Variants in ATG4C observed in about 807,000 individuals in gnomAD.
ATG4C encodes cysteine protease ATG4C.
Under a neutral mutation model 57.6 loss-of-function variants are expected in ATG4C, and 56 were observed. That is an observed-to-expected ratio of 0.97 (90% CI 0.78 to 1.21). The LOEUF (loss-of-function observed/expected upper bound fraction) is 1.21. Ranked by LOEUF, ATG4C falls within the 50% of genes most tolerant of loss-of-function variation. The pLI is 0.00. For synonymous variants in ATG4C, 157 were observed against 174.1 expected, an observed-to-expected ratio of 0.90 and a Z score of 0.78; for missense variants, 595 against 529.8, an observed-to-expected ratio of 1.12 and a Z score of -1.21.
At position 62,805,177 on chromosome 1, in the gene ATG4C, G is replaced by A; in HGVS notation, c.82G>A (p.Val28Met). The A allele has an allele frequency of 1.3e-6, 2 of 1,518,288 alleles. No homozygotes were observed. The highest frequency in any genetic ancestry group is 5.2e-5 in the East Asian group (2 of 38,754). The allele number at this position is 1,518,288 out of a possible 1,614,324, so 94.1% of individuals were successfully genotyped here. Residue 28 changes from valine (V) to methionine (M), a missense_variant, in exon 3 of 11, where the codon GTG becomes ATG. Transcript: ENST00000317868. ...CTTTTTTTTTTTTTTGCTAGGTTGGGTGTTGAAAACAAAGACGTATTTTAG... is the reference window on the plus strand; with the variant it reads ...CTTTTTTTTTTTTTTGCTAGGTTGGATGTTGAAAACAAAGACGTATTTTAG... ...SAWNNMKYSW[V>M]LKTKTYFSRN...
At chr1:62,803,084 T>C (rs1664736074) in intron 1 of ATG4C, among the ~76,000 whole-genome samples, 1 of 152,198 alleles carries the variant, frequency 6.6e-6, no homozygotes, top group Non-Finnish European at 1.5e-5. Flanking sequence ...CTAAAGTCAG[T>C]AATAAAACAG....
intron 10 of ATG4C, among the ~76,000 whole-genome samples, chr1:62,848,671 G>C (rs1666400382): frequency 1.3e-5 from 2 of 152,242 alleles, no homozygotes; most frequent in South Asian, 4.1e-4. Flanking sequence ...TTCTTGCTTA[G>C]AAATAAAGAC....
intron 6 of ATG4C, among the ~76,000 whole-genome samples, chr1:62,823,878 C>T (rs898025132): frequency 2.6e-5 from 4 of 152,108 alleles, no homozygotes; most frequent in African/African-American, 9.7e-5. Flanking sequence ...AAAGGTTATA[C>T]CTTTGGCAGT....
At chr1:62,840,037 A>C (rs937519889) in intron 9 of ATG4C, among the ~76,000 whole-genome samples, 1 of 152,226 alleles carries the variant, frequency 6.6e-6, no homozygotes, top group African/African-American at 2.4e-5. Flanking sequence ...AACATAACAA[A>C]TATGACAACT....
intron 5 of ATG4C, among the ~76,000 whole-genome samples, chr1:62,820,720 A>G (rs1390767210): frequency 6.6e-6 from 1 of 152,046 alleles, no homozygotes; most frequent in African/African-American, 2.4e-5. Flanking sequence ...GCTGTTGTTT[A>G]AAGAACGAAC....
chr1:62,788,858 GTTTTTCTTTTTTTTTCT>G (rs1294460167), intron 1 of ATG4C, among the ~76,000 whole-genome samples: 2 of 151,072 alleles, frequency 1.3e-5, no homozygotes, highest in Non-Finnish European at 3.0e-5. Context: ...AGAGTTGTGG[GTTTTTCTTTTTTTTTCT>G]TTTTTCTTTT....
In ATG4C at chr1:62,829,159, T is replaced by C. The variant is rs1449679626; in HGVS notation, c.916T>C (p.Tyr306His). ...TGGTGGAGAAAGAACCAACACCGAC[T>C]ACTTAGAATTTGTGAAGGTATGAAA... ...RLGGERTNTD[Y>H]LEFVKGILSL... The change falls in exon 7 of 11, where the codon TAC becomes CAC. Residue 306 changes from tyrosine (Y) to histidine (H), a missense_variant. Coordinates refer to ENST00000317868, the MANE Select transcript of ATG4C (RefSeq NM_032852.4). 1 of 1,612,794 alleles carries C rather than the reference T, an allele frequency of 6.2e-7. No homozygotes were observed. Among genetic ancestry groups the C allele is most frequent in the Non-Finnish European group, 8.5e-7 (1 of 1,179,226 alleles).
chr1:62,819,065 A>G lies in ATG4C; in HGVS notation c.455A>G (p.His152Arg). 1 of 1,605,682 alleles carries G rather than the reference A, an allele frequency of 6.2e-7. No individual in the cohort carries two copies. The highest frequency in any genetic ancestry group is 8.5e-7 in the Non-Finnish European group (1 of 1,176,004). Residue 152 changes from histidine to arginine, a missense_variant, in exon 5 of 11, where the codon CAC (histidine) becomes CGC (arginine). Physicochemically the swap from His to Arg is conservative, Grantham distance 29 (BLOSUM62 0). Coordinates refer to ENST00000317868, the MANE Select transcript of ATG4C (RefSeq NM_032852.4). ...ENSDSESWTS[H>R]TVKKFTASFE... is the part of the protein sequence containing the mutation. ...TCAGACTCTGAATCATGGACTTCCCACACTGTCAAAAAATTTACTGCATCA... is the reference window on the plus strand; with the variant it reads ...TCAGACTCTGAATCATGGACTTCCCGCACTGTCAAAAAATTTACTGCATCA...
intron 10 of ATG4C, among the ~76,000 whole-genome samples, chr1:62,853,695 C>T (rs1161537978): frequency 6.6e-6 from 1 of 152,194 alleles, no homozygotes; most frequent in African/African-American, 2.4e-5. Context: ...ATCCTCCTGC[C>T]TCAGCTTCTC....
At chr1:62,803,632 A>T in intron 1 of ATG4C, 87 bp from the exon 2 acceptor site, 1 of 419,954 alleles carries the variant, frequency 2.4e-6, no homozygotes, top group African/African-American at 2.1e-5. Context: ...TTCAAACTGT[A>T]TTTAATCACT....
intron 1 of ATG4C, among the ~76,000 whole-genome samples, chr1:62,801,618 A>G (rs377058533): frequency 1.1e-3 from 168 of 151,994 alleles, no homozygotes; most frequent in African/African-American, 3.8e-3. Context: ...AGATGTTGCC[A>G]CTGTACTCCA....
rs138926710 is a variant in ATG4C, at chr1:62,809,267, G to A, written c.160+4012G>A. Among the ~76,000 whole-genome samples the A allele has an allele frequency of 5.4e-3, 807 of 150,836 alleles. 10 individuals are homozygous for A. The highest frequency in any genetic ancestry group is 0.019 in the African/African-American group (781 of 41,074). On this transcript the variant is annotated intron_variant, in intron 3 of 10. Transcript: ENST00000317868. ...AGAACTTGTATAAACTGTAAAACAC[G>A]GTCTATAAAAGGGAAATATTAATCA...
At chr1:62,801,247 A>C (rs750222674) in intron 1 of ATG4C, among the ~76,000 whole-genome samples, 3 of 152,220 alleles carry the variant, frequency 2.0e-5, no homozygotes, top group Non-Finnish European at 2.9e-5. Context: ...TCCTTGAGGA[A>C]TGTGTTTATA....
At chr1:62,798,669 G>A (rs1664553603) in intron 1 of ATG4C, among the ~76,000 whole-genome samples, 1 of 151,114 alleles carries the variant, frequency 6.6e-6, no homozygotes, top group Admixed American at 6.6e-5. Flanking sequence ...TTTGGAGACA[G>A]AGTCTTGCTC....
intron 10 of ATG4C, among the ~76,000 whole-genome samples, chr1:62,852,415 G>T (rs1216846187): frequency 6.6e-6 from 1 of 152,160 alleles, no homozygotes; most frequent in Non-Finnish European, 1.5e-5. Flanking sequence ...TGAACAAAAT[G>T]ACATTATTTG....
chr1:62,846,895 G>T (rs1251062431), intron 10 of ATG4C, among the ~76,000 whole-genome samples: 1 of 152,008 alleles, frequency 6.6e-6, no homozygotes, highest in Non-Finnish European at 1.5e-5. Context: ...AGTCATACTG[G>T]GCAGGGCACA....
intron 6 of ATG4C, among the ~76,000 whole-genome samples, chr1:62,825,401 T>C (rs1665617915): frequency 6.6e-6 from 1 of 152,288 alleles, no homozygotes; most frequent in East Asian, 1.9e-4. Flanking sequence ...CTTACAACAC[T>C]TTGTTTACTT....
intron 1 of ATG4C, among the ~76,000 whole-genome samples, chr1:62,797,305 T>A (rs574788035): frequency 3.3e-5 from 5 of 152,300 alleles, no homozygotes; most frequent in African/African-American, 1.2e-4. Context: ...TCTATATAAT[T>A]ATAATATGTA....
chr1:62,816,494 A>G, intron 3 of ATG4C, 81 bp from the exon 4 acceptor site: 2 of 915,702 alleles, frequency 2.2e-6, no homozygotes, highest in Non-Finnish European at 3.1e-6. Flanking sequence ...CATACTTCAC[A>G]TCTTAAGACA....
Sources: allele counts gnomAD v4.1 joint callset (sites outside exome capture counted in the v4.1 genomes callset), GRCh38; gene constraint gnomAD v4.1.1; transcripts MANE v1.5; gene names NCBI Gene and HGNC (gene_info 2026-07-23, HGNC 2026-07-21).